The following RPS6KB1 variants were observed in gnomAD, a reference collection of about 807,000 sequenced individuals.
The protein encoded by RPS6KB1 is ribosomal protein S6 kinase B1, also known as ribosomal protein S6 kinase beta-1.
RPS6KB1 carries 12 observed loss-of-function variants against 70.2 expected under a neutral mutation model. The observed-to-expected ratio is 0.17, with a 90% confidence interval of 0.11 to 0.28. The LOEUF is 0.28. RPS6KB1 is among the 10% of genes least tolerant of loss of function. The probability of loss-of-function intolerance (pLI) is 1.00; values close to 1 mark genes in which losing one functional copy is unlikely to be tolerated. For synonymous variants in RPS6KB1, 175 were observed against 211.2 expected (o/e 0.83, Z 1.49); for missense variants, 270 against 646.6 (o/e 0.42, Z 6.32).
chr17:59,920,273 C>T (rs2043193918), intron 4 of RPS6KB1, among the ~76,000 whole-genome samples: 1 of 152,122 alleles, frequency 6.6e-6, no homozygotes, highest in Admixed American at 6.6e-5. Context: ...CCTTCTTGGC[C>T]TCCCAAAGTG....
intron 13 of RPS6KB1, among the ~76,000 whole-genome samples, chr17:59,941,281 A>G (rs1317041967): frequency 1.3e-5 from 2 of 149,974 alleles, no homozygotes; most frequent in Non-Finnish European, 1.5e-5. Flanking sequence ...CACTGACTAC[A>G]TGTATTTTAT....
chr17:59,945,653 T>C (rs1017183013), intron 14 of RPS6KB1, 135 bp downstream of exon 14: 1 of 606,230 alleles, frequency 1.6e-6, no homozygotes, highest in African/African-American at 1.9e-5. Context: ...ACAGCATCTA[T>C]ATCTTACATT....
chr17:59,925,618 GGT>G (rs1348353086), intron 4 of RPS6KB1, among the ~76,000 whole-genome samples: 1 of 151,544 alleles, frequency 6.6e-6, no homozygotes, highest in Non-Finnish European at 1.5e-5. Flanking sequence ...TAAAGCCAAA[GGT>G]GTGTTCATTT....
chr17:59,912,513 C>A, intron 2 of RPS6KB1, 171 bp from the exon 3 acceptor site: 1 of 552,518 alleles, frequency 1.8e-6, no homozygotes, highest in Non-Finnish European at 3.2e-6. Context: ...ATCAGGCCAC[C>A]CTCCTCTTGA....
intron 1 of RPS6KB1, among the ~76,000 whole-genome samples, chr17:59,908,783 T>C (rs1306845402): frequency 7.1e-6 from 1 of 141,404 alleles, no homozygotes; most frequent in Non-Finnish European, 1.5e-5. Flanking sequence ...CACGCCCGGC[T>C]AATTTTTTGT....
intron 1 of RPS6KB1, among the ~76,000 whole-genome samples, chr17:59,910,032 C>A (rs2042539862): frequency 6.7e-6 from 1 of 149,818 alleles, no homozygotes; most frequent in Admixed American, 6.7e-5. Context: ...TATATATACA[C>A]AAAAATTAGC....
At chr17:59,928,897 T>C (rs2043776869) in intron 5 of RPS6KB1, among the ~76,000 whole-genome samples, 1 of 152,190 alleles carries the variant, frequency 6.6e-6, no homozygotes, top group African/African-American at 2.4e-5. Flanking sequence ...TATGCAATTT[T>C]GGCAGGACCA....
At chr17:59,915,356 C>T (rs76255266) in intron 4 of RPS6KB1, among the ~76,000 whole-genome samples, 1 of 152,042 alleles carries the variant, frequency 6.6e-6, no homozygotes, top group African/African-American at 2.4e-5. Flanking sequence ...ACTGTTATTC[C>T]TATTTTTATT....
Position 59,949,090 on chromosome 17 carries a change from C to T in RPS6KB1, c.*2302C>T, listed in dbSNP as rs1389885040. ...CCAGCAATAGTGGCAAACACTGCAA[C>T]TTTTCTGCATAAAAAGCATTAATTG... On this transcript the variant is annotated 3_prime_UTR_variant, in exon 15 of 15. Transcript: ENST00000225577. 3 of 152,568 alleles carry T rather than the reference C, an allele frequency of 2.0e-5. No individual in the cohort carries two copies. Among genetic ancestry groups the T allele is most frequent in the Non-Finnish European group, 4.4e-5 (3 of 67,994 alleles). The allele number at this position is 152,568 out of a possible 1,614,324, so 9.5% of individuals were successfully genotyped here.
intron 5 of RPS6KB1, among the ~76,000 whole-genome samples, chr17:59,928,393 T>C (rs1395181656): frequency 6.6e-6 from 1 of 151,846 alleles, no homozygotes; most frequent in Non-Finnish European, 1.5e-5. Context: ...CTTTTCTTTT[T>C]TTTTTGAGAT....
intron 4 of RPS6KB1, among the ~76,000 whole-genome samples, chr17:59,918,198 C>T (rs2043067208): frequency 6.6e-6 from 1 of 151,544 alleles, no homozygotes; most frequent in Non-Finnish European, 1.5e-5. Flanking sequence ...TCCTGAAGTG[C>T]TGGGATTACA....
intron 1 of RPS6KB1, among the ~76,000 whole-genome samples, chr17:59,904,999 T>A (rs1369276432): frequency 6.6e-6 from 1 of 151,984 alleles, no homozygotes; most frequent in Non-Finnish European, 1.5e-5. Flanking sequence ...CTGGCTGCAT[T>A]CCTTGCATAT....
intron 4 of RPS6KB1, among the ~76,000 whole-genome samples, chr17:59,920,842 G>T (rs2043221474): frequency 6.6e-6 from 1 of 152,144 alleles, no homozygotes; most frequent in African/African-American, 2.4e-5. Context: ...GGGACTACAG[G>T]TGTGTACCAC....
chr17:59,947,314 A>G lies in RPS6KB1; in HGVS notation c.*526A>G, dbSNP rs919598349. The G allele has an allele frequency of 2.0e-6, 2 of 1,019,008 alleles. No individual in the cohort carries two copies. Among genetic ancestry groups the G allele is most frequent in the African/African-American group, 3.4e-5 (2 of 59,174 alleles). The allele number at this position is 1,019,008 out of a possible 1,614,324, so 63.1% of individuals were successfully genotyped here. ...CTGAATCTTTTTTTTATATAAATAT[A>G]TATTTTTCAAATAGATTTTTGATTC... On this transcript the variant is annotated 3_prime_UTR_variant, in exon 15 of 15. Transcript: ENST00000225577.
chr17:59,925,846 C>T (rs1276278681), intron 4 of RPS6KB1, among the ~76,000 whole-genome samples: 1 of 152,048 alleles, frequency 6.6e-6, no homozygotes, highest in African/African-American at 2.4e-5. Context: ...TGGGGTCACG[C>T]TTGTTACCAG....
In RPS6KB1 at chr17:59,934,163, A is replaced by G. The variant is rs765563839; in HGVS notation, c.689-7A>G. 1 of 1,528,940 alleles carries G rather than the reference A, an allele frequency of 6.5e-7. No homozygotes were observed. The highest frequency in any genetic ancestry group is 9.1e-7 in the Non-Finnish European group (1 of 1,102,790). 94.7% of individuals were successfully genotyped at this position (1,528,940 alleles called of 1,614,324 possible). A position where few individuals can be genotyped will look rare whatever the true frequency, so the allele number is the denominator to read the frequency against. On this transcript the variant is annotated splice_polypyrimidine_tract_variant and splice_region_variant and intron_variant, in intron 7 of 14. Coordinates refer to ENST00000225577, the MANE Select transcript of RPS6KB1 (RefSeq NM_003161.4). The surrounding 1 kb of genome is among the most constrained non-coding windows in gnomAD (Gnocchi z 4.8). ...GAGAATAATCATGCTGTAATCTTTC[A>G]TTGTAGGTCATGTGAAACTAACAGA...
At chr17:59,922,254 T>A (rs1313214211) in intron 4 of RPS6KB1, among the ~76,000 whole-genome samples, 1 of 152,098 alleles carries the variant, frequency 6.6e-6, no homozygotes, top group Non-Finnish European at 1.5e-5. Flanking sequence ...TTGGCCAGGC[T>A]GGTCTCAAAC....
Position 59,949,164 on chromosome 17 carries a change from TTAAG to T in RPS6KB1, c.*2378_*2381del, listed in dbSNP as rs984396135. ...CATAGTTTTTCTGACTTCACATTTATTAAGTGAAATTTATTTCCCATGCTGTGGA... is the reference window on the plus strand; with the variant it reads ...CATAGTTTTTCTGACTTCACATTTATTGAAATTTATTTCCCATGCTGTGGA... On this transcript the variant is annotated 3_prime_UTR_variant, in exon 15 of 15. Coordinates refer to ENST00000225577, the MANE Select transcript of RPS6KB1 (RefSeq NM_003161.4). The T allele has an allele frequency of 6.6e-6, 1 of 152,638 alleles. No homozygotes were observed. The highest frequency in any genetic ancestry group is 2.4e-5 in the African/African-American group (1 of 41,464). 9.5% of individuals were successfully genotyped at this position (152,638 alleles called of 1,614,324 possible).
intron 13 of RPS6KB1, among the ~76,000 whole-genome samples, chr17:59,942,951 C>T (rs1322497480): frequency 6.6e-6 from 1 of 151,308 alleles, no homozygotes; most frequent in East Asian, 1.9e-4. Context: ...TGCACTCCAG[C>T]CTGAGCGATA....
Sources: gnomAD v4.1 joint callset for allele counts (sites outside exome capture counted in the v4.1 genomes callset) on GRCh38, gnomAD v4.1.1 for gene constraint, Gnocchi (gnomAD v3.1) non-coding constraint, MANE v1.5 for transcripts, NCBI Gene and HGNC (gene_info 2026-07-23, HGNC 2026-07-21) for gene names.